Variants in ZNF614 observed in about 807,000 individuals in gnomAD.
ZNF614 encodes the protein zinc finger protein 614.
A neutral mutation model predicts 12.8 loss-of-function variants in ZNF614; 11 were observed. That is an observed-to-expected ratio of 0.86 (90% confidence interval 0.54 to 1.43). ZNF614 has a LOEUF of 1.43. Among genes scored for constraint, ZNF614 ranks in the 40% most tolerant of loss-of-function variants. The pLI, the probability that ZNF614 is intolerant of heterozygous loss-of-function variation, is 0.00. For synonymous variants in ZNF614, 237 were observed against 237.5 expected (o/e 1.00, Z 0.02); for missense variants, 664 against 708.8 (o/e 0.94, Z 0.72).
chr19:52,017,864 C>T, intron 4 of ZNF614, 144 bp downstream of exon 4: 1 of 587,742 alleles, frequency 1.7e-6, no homozygotes, highest in Non-Finnish European at 3.0e-6. Context: ...AAAGCTATAA[C>T]AGCATTAAAA....
Position 52,014,465 on chromosome 19 carries a change from C to T in ZNF614, c.*1375G>A, listed in dbSNP as rs187316080. The T allele has an allele frequency of 3.3e-5, 5 of 152,270 alleles. No individual in the cohort carries two copies. The highest frequency in any genetic ancestry group is 6.5e-5 in the Admixed American group (1 of 15,300). 9.4% of individuals were successfully genotyped at this position (152,270 alleles called of 1,614,324 possible). A position where few individuals can be genotyped will look rare whatever the true frequency, so the allele number is the denominator to read the frequency against. On this transcript the variant is annotated 3_prime_UTR_variant, in exon 5 of 5. Coordinates refer to ENST00000270649, the MANE Select transcript of ZNF614 (RefSeq NM_025040.4). ...TGCAGTTCTGAATGGTGATAAATTC[C>T]GAGTTCCCACTGCCCTACTCAGGTT...
chr19:52,018,633 C>T (rs1272895376), intron 2 of ZNF614, 139 bp from the exon 3 acceptor site: 13 of 831,680 alleles, frequency 1.6e-5, no homozygotes, highest in Non-Finnish European at 2.3e-5. Context: ...GGAGCAAAAT[C>T]CTCTATCTAT....
chr19:52,025,684 C>A (rs762045805), intron 2 of ZNF614, 47 bp downstream of exon 2: 1 of 1,608,940 alleles, frequency 6.2e-7, no homozygotes, highest in Non-Finnish European at 8.5e-7. Context: ...CAACTGACTT[C>A]TTCAGGCCAC....
In ZNF614 at chr19:52,013,721, G is replaced by T. The variant is rs1009336784; in HGVS notation, c.*2119C>A. ...TTTGGATGGAGTGTAAGCATAAAAA[G>T]GTAGCATGAGGGACTTTGTGTTCAT... On this transcript the variant is annotated 3_prime_UTR_variant, in exon 5 of 5. Coordinates refer to ENST00000270649, the MANE Select transcript of ZNF614 (RefSeq NM_025040.4). 2.0e-5 allele frequency: 3 copies of T among 152,118 alleles called. No homozygotes were observed. The highest frequency in any genetic ancestry group is 4.8e-5 in the African/African-American group (2 of 41,416). The allele number at this position is 152,118 out of a possible 1,614,324, so 9.4% of individuals were successfully genotyped here. A position where few individuals can be genotyped will look rare whatever the true frequency, so the allele number is the denominator to read the frequency against.
intron 1 of ZNF614, among the ~76,000 whole-genome samples, chr19:52,027,812 AAAAC>A (rs2086984831): frequency 6.6e-6 from 1 of 152,266 alleles, no homozygotes; most frequent in South Asian, 2.1e-4. Flanking sequence ...AATAATAAAG[AAAAC>A]AAATAGAAAC....
Position 52,016,270 on chromosome 19 carries a change from A to G in ZNF614, c.1328T>C (p.Ile443Thr), listed in dbSNP as rs766575145. Residue 443 changes from isoleucine to threonine, a missense_variant, in exon 5 of 5, where the codon ATT (isoleucine) becomes ACT (threonine). Ile to Thr is a moderately conservative substitution (Grantham distance 89, BLOSUM62 -1). Coordinates refer to ENST00000270649, the MANE Select transcript of ZNF614 (RefSeq NM_025040.4). The stretch of plus-strand genomic sequence containing the variant: ...TCCTGTATGAGTTCGCTGATGTATA[A>G]TAAGAGTGCGCTTTGTGGTGAAGCC... ...GKGFTTKRTL[I>T]IHQRTHTGEK... 21 of 1,613,890 alleles carry G rather than the reference A, an allele frequency of 1.3e-5. No homozygotes were observed. The highest frequency in any genetic ancestry group is 8.9e-5 in the East Asian group (4 of 44,858).
Position 52,016,441 on chromosome 19 carries a change from A to T in ZNF614, c.1157T>A (p.Leu386His). 1.2e-6 allele frequency: 2 copies of T among 1,614,192 alleles called. No homozygotes were observed. The highest frequency in any genetic ancestry group is 1.7e-6 in the Non-Finnish European group (2 of 1,180,006). The part of the protein sequence containing the change: ...CGKGFTVKSN[L>H]IVHQRSHTGE... ...TGTGTGGGAGCGCTGATGTACAATG[A>T]GATTGCTCTTCACGGTAAAGCCTTT... Residue 386 changes from leucine to histidine, a missense_variant, in exon 5 of 5, where the codon CTC (leucine) becomes CAC (histidine). Physicochemically the swap from Leu to His is moderately conservative, Grantham distance 99. Transcript: ENST00000270649.
chr19:52,017,486 G>C (rs1051443564), intron 4 of ZNF614, 127 bp from the exon 5 acceptor site: 1 of 824,606 alleles, frequency 1.2e-6, no homozygotes, highest in African/African-American at 1.7e-5. Context: ...GGCAGATCAC[G>C]AGGTCAGGAG....
chr19:52,019,884 T>C (rs1372608614), intron 2 of ZNF614, among the ~76,000 whole-genome samples: 1 of 152,186 alleles, frequency 6.6e-6, no homozygotes, highest in Admixed American at 6.5e-5. Flanking sequence ...ATCTATGCTA[T>C]ATTACTGTGT....
At chr19:52,024,416 G>C (rs766953792) in intron 2 of ZNF614, among the ~76,000 whole-genome samples, 1 of 152,212 alleles carries the variant, frequency 6.6e-6, no homozygotes, top group Admixed American at 6.5e-5. Flanking sequence ...GTAAATTTTA[G>C]AATACCTAAT....
At chr19:52,020,029 C>T (rs1203523975) in intron 2 of ZNF614, among the ~76,000 whole-genome samples, 1 of 152,210 alleles carries the variant, frequency 6.6e-6, no homozygotes, top group South Asian at 2.1e-4. Flanking sequence ...TTCTACCTCA[C>T]TCCACAGTCC....
At chr19:52,019,023 T>C (rs188167769) in intron 2 of ZNF614, among the ~76,000 whole-genome samples, 164 of 152,222 alleles carry the variant, frequency 1.1e-3, no homozygotes, top group African/African-American at 3.7e-3. Flanking sequence ...TGGATGCTAC[T>C]ACCAATTTTT....
In ZNF614 at chr19:52,026,773, G is replaced by C. The variant is rs192558566; in HGVS notation, c.-216-812C>G. 1.9e-3 allele frequency among the ~76,000 whole-genome samples: 293 copies of C among 152,366 alleles called. 1 individual carries two copies. The highest frequency in any genetic ancestry group is 6.7e-3 in the African/African-American group (278 of 41,590). ...TTGTCTGTTCTATTTACTGAGATAG[G>C]AGAAAACCGCCTTAGGGCTGGAGGT... On this transcript the variant is annotated intron_variant, in intron 1 of 4. Transcript: ENST00000270649.
chr19:52,025,026 G>A (rs2086962254), intron 2 of ZNF614, among the ~76,000 whole-genome samples: 5 of 152,168 alleles, frequency 3.3e-5, no homozygotes, highest in South Asian at 2.1e-4. Context: ...AGAGAATGGC[G>A]TGAACCTGGG....
At position 52,014,834 on chromosome 19, in the gene ZNF614, T is replaced by G. The variant is rs1158491651; in HGVS notation, c.*1006A>C. The G allele has an allele frequency of 2.6e-5, 4 of 152,112 alleles. No individual in the cohort carries two copies. Among genetic ancestry groups the G allele is most frequent in the African/African-American group, 9.7e-5 (4 of 41,408 alleles). The allele number at this position is 152,112 out of a possible 1,614,324, so 9.4% of individuals were successfully genotyped here. On this transcript the variant is annotated 3_prime_UTR_variant, in exon 5 of 5. Transcript: ENST00000270649. ...TCTAGGGGAGCAACCATAAGTCACT[T>G]CAGTAGTATAATCAGGTGTAATTAA...
chr19:52,026,764 C>A (rs2086977268), intron 1 of ZNF614, among the ~76,000 whole-genome samples: 1 of 152,234 alleles, frequency 6.6e-6, no homozygotes, highest in Non-Finnish European at 1.5e-5. Context: ...GTTCTATTTA[C>A]TGAGATAGGA....
rs201709744 is a variant in ZNF614, at chr19:52,016,640, A to G, written c.958T>C (p.Cys320Arg). Reference protein sequence around the residue: ...SGEKPYVCKECGKGFTVKSNL... With the variant: ...SGEKPYVCKERGKGFTVKSNL... Reference sequence around the variant, plus strand: ...CTCTTCACAGTGAAACCTTTTCCACATTCTTTGCACACATAAGGTTTCTCT... The same window carrying G: ...CTCTTCACAGTGAAACCTTTTCCACGTTCTTTGCACACATAAGGTTTCTCT... Residue 320 changes from cysteine (C) to arginine (R), a missense_variant, in exon 5 of 5, where the codon TGT becomes CGT. Transcript: ENST00000270649. The G allele has an allele frequency of 5.9e-5, 95 of 1,614,078 alleles. No homozygotes were observed. Among genetic ancestry groups the G allele is most frequent in the Non-Finnish European group, 7.8e-5 (92 of 1,180,054 alleles).
chr19:52,018,065 C>G lies in ZNF614; in HGVS notation c.181G>C (p.Ala61Pro), dbSNP rs2086911505. 2 of 1,613,930 alleles carry G rather than the reference C, an allele frequency of 1.2e-6. No individual in the cohort carries two copies. The highest frequency in any genetic ancestry group is 1.7e-6 in the Non-Finnish European group (2 of 1,179,998). Residue 61 changes from alanine (A) to proline (P), a missense_variant, in exon 4 of 5, where the codon GCA becomes CCA. Transcript: ENST00000270649. ...GTTGTCCATGGTTCTTGTCCATGTGCCAACTTGGAGAGTACATCTGGTTTG... is the reference window on the plus strand; with the variant it reads ...GTTGTCCATGGTTCTTGTCCATGTGGCAACTTGGAGAGTACATCTGGTTTG... The part of the protein sequence containing the change: ...TSKPDVLSKL[A>P]HGQEPWTTDA...
rs777010697 is a variant in ZNF614 at position 52,016,753 on chromosome 19, G to A, written c.845C>T (p.Thr282Ile). The change falls in exon 5 of 5, where the codon ACA (threonine) becomes ATA (isoleucine). Residue 282 changes from threonine (T) to isoleucine (I), a missense_variant. Coordinates refer to ENST00000270649, the MANE Select transcript of ZNF614 (RefSeq NM_025040.4). ...ACTGCACATATAGGATTTCTCTTCTGTATGGGTTTGTTGATGTGTAATGAG... is the reference window on the plus strand; with the variant it reads ...ACTGCACATATAGGATTTCTCTTCTATATGGGTTTGTTGATGTGTAATGAG... The part of the protein sequence containing the change: ...SSLITHQQTH[T>I]EEKSYMCSEC... 3.1e-6 allele frequency: 5 copies of A among 1,614,154 alleles called. No individual in the cohort carries two copies. Among genetic ancestry groups the A allele is most frequent in the Non-Finnish European group, 4.2e-6 (5 of 1,180,042 alleles).
Sources: allele counts gnomAD v4.1 joint callset (sites outside exome capture counted in the v4.1 genomes callset), GRCh38; gene constraint gnomAD v4.1.1; transcripts MANE v1.5; gene names NCBI Gene and HGNC (gene_info 2026-07-23, HGNC 2026-07-21).